The following MINDY4 variants were observed in gnomAD, a reference collection of about 807,000 sequenced individuals.
MINDY4 encodes the protein MINDY lysine 48 deubiquitinase 4.
Under a neutral mutation model 87.0 loss-of-function variants are expected in MINDY4, and 68 were observed. That is an observed-to-expected ratio of 0.78 (90% CI 0.64 to 0.96). MINDY4 has a LOEUF of 0.96. Ranked by LOEUF, MINDY4 falls within the 40% of genes least tolerant of loss-of-function variation. The pLI is 0.00. For missense variants in MINDY4, 919 were observed against 928.2 expected (o/e 0.99, Z 0.13); for synonymous variants, 379 against 363.2 (o/e 1.04, Z -0.50).
intron 17 of MINDY4, among the ~76,000 whole-genome samples, chr7:30,883,822 G>A (rs1332162325): frequency 6.6e-6 from 1 of 152,128 alleles, no homozygotes; most frequent in East Asian, 1.9e-4. Flanking sequence ...CTTTATGAGT[G>A]TGGGCTCTGG....
At chr7:30,881,640 G>A (rs1463050201) in intron 15 of MINDY4, among the ~76,000 whole-genome samples, 2 of 152,198 alleles carry the variant, frequency 1.3e-5, no homozygotes, top group African/African-American at 4.8e-5. Flanking sequence ...GAGGTGCTGC[G>A]GCTGAGGTGG....
At chr7:30,787,972 A>T (rs774501244) in intron 4 of MINDY4, among the ~76,000 whole-genome samples, 2 of 152,250 alleles carry the variant, frequency 1.3e-5, no homozygotes, top group Non-Finnish European at 2.9e-5. Context: ...AACAGTAGTA[A>T]ACCTGTTGCA....
Position 30,862,282 on chromosome 7 carries a change from C to T in MINDY4, c.1745+2958C>T, listed in dbSNP as rs572442055. Among the ~76,000 whole-genome samples the T allele has an allele frequency of 2.0e-5, 3 of 152,334 alleles. No individual in the cohort carries two copies. The East Asian group carries it at 5.8e-4, about 29-fold the overall frequency. On this transcript the variant is annotated intron_variant, in intron 13 of 17. Transcript: ENST00000265299. ...AATGCCAGCAAGGATGGGAATAGCC[C>T]GGGCAGTCGTGGCACTGCCCAGATC...
intron 5 of MINDY4, among the ~76,000 whole-genome samples, chr7:30,797,407 A>G (rs1251314402): frequency 1.9e-4 from 29 of 152,232 alleles, no homozygotes. Context: ...TTTTATAAAG[A>G]GGTAGCCAGG....
At chr7:30,814,439 T>C (rs538034383) in intron 5 of MINDY4, among the ~76,000 whole-genome samples, 3 of 152,352 alleles carry the variant, frequency 2.0e-5, no homozygotes, top group East Asian at 3.9e-4. Context: ...TGCATTGTTT[T>C]TTATTTTTAT....
intron 1 of MINDY4, among the ~76,000 whole-genome samples, chr7:30,778,109 C>CCTTTTGTTTACATTTTTT (rs566672411): frequency 7.7e-4 from 117 of 152,250 alleles, no homozygotes; most frequent in Middle Eastern, 3.4e-3. Context: ...TGAATATTAG[C>CCTTTTGTTTACATTTTTT]CTTTTGTTTA....
intron 12 of MINDY4, chr7:30,857,625 A>G (rs1789618222): frequency 9.0e-6 from 1 of 111,128 alleles, no homozygotes; most frequent in Admixed American, 7.6e-5. Flanking sequence ...GGCGCCCGCT[A>G]CCACGCCCGG....
intron 5 of MINDY4, among the ~76,000 whole-genome samples, chr7:30,810,565 T>C (rs1304872669): frequency 6.6e-6 from 1 of 152,204 alleles, no homozygotes; most frequent in Admixed American, 6.5e-5. Flanking sequence ...CCAGTTTTTC[T>C]GTGAACTGGA....
chr7:30,883,046 G>C, intron 17 of MINDY4, 53 bp downstream of exon 17: 1 of 1,574,688 alleles, frequency 6.4e-7, no homozygotes, highest in South Asian at 1.1e-5. Flanking sequence ...GCTTTGAGGA[G>C]CCATGGTTGG....
At chr7:30,854,849 G>A (rs924894911) in intron 12 of MINDY4, among the ~76,000 whole-genome samples, 8 of 152,364 alleles carry the variant, frequency 5.3e-5, no homozygotes, top group Middle Eastern at 6.8e-3. Context: ...TGAGGTCACC[G>A]GAGGGGCAAT....
At chr7:30,828,249 G>T (rs1788576212) in intron 5 of MINDY4, among the ~76,000 whole-genome samples, 2 of 152,082 alleles carry the variant, frequency 1.3e-5, no homozygotes, top group South Asian at 4.1e-4. Flanking sequence ...CTAGGAGAGA[G>T]GAAACAAACA....
At chr7:30,771,606 G>T (rs1161294884) in intron 1 of MINDY4, 50 bp downstream of exon 1, 2 of 1,546,262 alleles carry the variant, frequency 1.3e-6, no homozygotes, top group Admixed American at 2.0e-5. Context: ...AATTTGGGGG[G>T]ATCATCGGGG....
intron 5 of MINDY4, among the ~76,000 whole-genome samples, chr7:30,798,413 C>T (rs1160771667): frequency 3.3e-5 from 5 of 152,066 alleles, no homozygotes; most frequent in East Asian, 1.9e-4. Flanking sequence ...GGGGGGTTGC[C>T]GTTCCCTGAA....
intron 5 of MINDY4, among the ~76,000 whole-genome samples, chr7:30,810,597 G>A (rs574584917): frequency 1.3e-5 from 2 of 151,954 alleles, no homozygotes; most frequent in South Asian, 2.1e-4. Flanking sequence ...AAACACGACC[G>A]GTTTTTCTTA....
chr7:30,858,674 T>A (rs1364957316), intron 12 of MINDY4: 1 of 158,042 alleles, frequency 6.3e-6, no homozygotes, highest in African/African-American at 2.4e-5. Flanking sequence ...TATATATAAA[T>A]TTAAGACATG....
intron 5 of MINDY4, among the ~76,000 whole-genome samples, chr7:30,796,439 G>A (rs1188812679): frequency 6.6e-6 from 1 of 152,118 alleles, no homozygotes; most frequent in Non-Finnish European, 1.5e-5. Context: ...TATCTTCCCA[G>A]AATACAGCCT....
chr7:30,859,229 G>A (rs543225907), intron 12 of MINDY4, 28 bp from the exon 13 acceptor site: 2 of 1,607,092 alleles, frequency 1.2e-6, no homozygotes, highest in East Asian at 2.2e-5. Flanking sequence ...CAAATGGGAT[G>A]GAGCTCATTT....
At chr7:30,891,495 AC>A (rs1790791088) in intron 17 of MINDY4, among the ~76,000 whole-genome samples, 1 of 152,076 alleles carries the variant, frequency 6.6e-6, no homozygotes, top group South Asian at 2.1e-4. Context: ...AAAGCCCAGA[AC>A]CCTTACAAGT....
chr7:30,864,476 A>G (rs1422498710), intron 13 of MINDY4, among the ~76,000 whole-genome samples: 1 of 152,248 alleles, frequency 6.6e-6, no homozygotes, highest in Non-Finnish European at 1.5e-5. Context: ...CCAGGAACCC[A>G]GACATTGTCT....
Sources: allele counts gnomAD v4.1 joint callset (sites outside exome capture counted in the v4.1 genomes callset), GRCh38; gene constraint gnomAD v4.1.1; transcripts MANE v1.5; gene names NCBI Gene and HGNC (gene_info 2026-07-23, HGNC 2026-07-21).